The following TSC1 variants were observed in gnomAD, a reference collection of about 807,000 sequenced individuals.
TSC1 encodes the protein TSC complex subunit 1, also known as hamartin.
In TSC1, 20 loss-of-function variants were observed where a neutral mutation model predicts 124.3. The observed-to-expected ratio is 0.16, with a 90% CI of 0.11 to 0.23. The LOEUF (loss-of-function observed/expected upper bound fraction) is 0.23. Ranked by LOEUF, TSC1 falls within the 10% of genes least tolerant of loss-of-function variation. The pLI is 1.00. For missense variants in TSC1, 1,124 were observed against 1,448.5 expected, an observed-to-expected ratio of 0.78 and a Z score of 3.64; for synonymous variants, 493 against 539.1, an observed-to-expected ratio of 0.91 and a Z score of 1.19.
At chr9:132,908,361 CA>C (rs1438259835) in intron 12 of TSC1, among the ~76,000 whole-genome samples, 1 of 152,184 alleles carries the variant, frequency 6.6e-6, no homozygotes, top group Non-Finnish European at 1.5e-5. Flanking sequence ...TCTACCTCTA[CA>C]TTCAGTCTGT....
chr9:132,919,723 G>A (rs994391990), intron 8 of TSC1, among the ~76,000 whole-genome samples: 22 of 152,286 alleles, frequency 1.4e-4, no homozygotes, highest in African/African-American at 5.3e-4. Context: ...GAAAGCCCCA[G>A]GAGACTAGGA....
chr9:132,897,612 T>TA lies in TSC1; in HGVS notation c.2626-3_2626-2insT, dbSNP rs760737807. ...GGCGGCTTTCATCATTTCTACTTCC[T>TA]GAAAAAAAAAAAAAAAAAAGACTGG... On this transcript the variant is annotated splice_region_variant and splice_polypyrimidine_tract_variant and intron_variant, in intron 20 of 22. Coordinates refer to ENST00000298552, the MANE Select transcript of TSC1 (RefSeq NM_000368.5). The TA allele has an allele frequency of 4.5e-4, 410 of 914,826 alleles. No homozygotes were observed. Among genetic ancestry groups the TA allele is most frequent in the South Asian group, 1.7e-3 (74 of 42,678 alleles). 56.7% of individuals were successfully genotyped at this position (914,826 alleles called of 1,614,324 possible).
chr9:132,944,540 C>A lies in TSC1; in HGVS notation c.-144+3G>T. On this transcript the variant is annotated splice_donor_region_variant and intron_variant, in intron 1 of 22. Transcript: ENST00000298552. ...AAGGAGGGGGAGACACCCCCATACT[C>A]ACCCACCGTCTCCTCCCCCTCAGCT... 1 of 398,736 alleles carries A rather than the reference C, an allele frequency of 2.5e-6. No homozygotes were observed. Among genetic ancestry groups the A allele is most frequent in the South Asian group, 1.3e-4 (1 of 7,854 alleles). The allele number at this position is 398,736 out of a possible 1,614,324, so 24.7% of individuals were successfully genotyped here.
rs147474144 is a variant in TSC1, at chr9:132,917,526, T to G, written c.737+3837A>C. 4.1e-4 allele frequency among the ~76,000 whole-genome samples: 63 copies of G among 152,268 alleles called. 1 individual carries two copies. In the Middle Eastern group the frequency reaches 0.01, roughly 25 times the overall value. On this transcript the variant is annotated intron_variant, in intron 8 of 22. Transcript: ENST00000298552. ...TTTGCAGTTTTAGTAGAGAGGAGGT[T>G]TCACCATGTTGGCCAGGCTGGTCTC...
At chr9:132,917,628 G>A (rs537987496) in intron 8 of TSC1, among the ~76,000 whole-genome samples, 8 of 152,158 alleles carry the variant, frequency 5.3e-5, no homozygotes, top group South Asian at 4.1e-4. Context: ...CACTGCACCC[G>A]GCTCTTCTTT....
At chr9:132,920,649 A>G (rs1846500996) in intron 8 of TSC1, among the ~76,000 whole-genome samples, 1 of 152,048 alleles carries the variant, frequency 6.6e-6, no homozygotes, top group Non-Finnish European at 1.5e-5. Flanking sequence ...GGAGATCCCT[A>G]AGTGTCAGTA....
chr9:132,901,552 G>C (rs2131701144), intron 19 of TSC1, 37 bp downstream of exon 19: 1 of 1,546,394 alleles, frequency 6.5e-7, no homozygotes, highest in Middle Eastern at 1.7e-4. Flanking sequence ...AGCAAATGGT[G>C]TTTCAGCAGA....
chr9:132,923,579 A>G lies in TSC1; in HGVS notation c.364-87T>C. On this transcript the variant is annotated intron_variant, in intron 5 of 22. Coordinates refer to ENST00000298552, the MANE Select transcript of TSC1 (RefSeq NM_000368.5). The surrounding 1 kb of genome is among the most constrained non-coding windows in gnomAD (Gnocchi z 4.2). ...TACAGTACATGAAGAGGCTCTAAAC[A>G]CTGAGAGAATCACAAATCACAAGTT... 6.3e-7 allele frequency: 1 copy of G among 1,577,112 alleles called. No homozygotes were observed. Among genetic ancestry groups the G allele is most frequent in the East Asian group, 2.2e-5 (1 of 44,610 alleles).
chr9:132,894,718 C>G lies in TSC1; in HGVS notation c.*1517G>C. 4 of 181,416 alleles carry G rather than the reference C, an allele frequency of 2.2e-5. No individual in the cohort carries two copies. The highest frequency in any genetic ancestry group is 8.5e-5 in the East Asian group (1 of 11,812). The allele number at this position is 181,416 out of a possible 1,614,324, so 11.2% of individuals were successfully genotyped here. A position where few individuals can be genotyped will look rare whatever the true frequency, so the allele number is the denominator to read the frequency against. On this transcript the variant is annotated 3_prime_UTR_variant, in exon 23 of 23. Coordinates refer to ENST00000298552, the MANE Select transcript of TSC1 (RefSeq NM_000368.5). Reference sequence around the variant, plus strand: ...TAAAAAAAAAAAAAAAAAAAAAAGACTTTCATTCTCTCTGCTCGAGGCCTC... The same window carrying G: ...TAAAAAAAAAAAAAAAAAAAAAAGAGTTTCATTCTCTCTGCTCGAGGCCTC...
rs1233639992 is a variant in TSC1, at chr9:132,893,978, G to A, written c.*2257C>T. 4.3e-6 allele frequency: 1 copy of A among 233,378 alleles called. No homozygotes were observed. Among genetic ancestry groups the A allele is most frequent in the African/African-American group, 2.2e-5 (1 of 45,428 alleles). The allele number at this position is 233,378 out of a possible 1,614,324, so 14.5% of individuals were successfully genotyped here. A position where few individuals can be genotyped will look rare whatever the true frequency, so the allele number is the denominator to read the frequency against. On this transcript the variant is annotated 3_prime_UTR_variant, in exon 23 of 23. Transcript: ENST00000298552. ...ATGAAAGCCTACATTTTTAGGTTGG[G>A]CACCTTCAACATGACTCCAGGTCTC...
intron 2 of TSC1, among the ~76,000 whole-genome samples, chr9:132,929,262 T>A (rs1336481575): frequency 1.3e-5 from 2 of 152,262 alleles, no homozygotes; most frequent in East Asian, 3.8e-4. Context: ...TGATTCTACC[T>A]TGGGTTTTGG....
In TSC1 at chr9:132,921,423, T is replaced by C. The variant is rs1259094395; in HGVS notation, c.677A>G (p.His226Arg). The stretch of plus-strand genomic sequence containing the variant: ...CACTAATTCCGGATGAATTCGCACA[T>C]GCTCCATCATTGGCTAGAAGAGTTG... ...FEEVVKPMME[H>R]VRIHPELVTG... The change falls in exon 8 of 23, where the codon CAT (histidine) becomes CGT (arginine). Residue 226 changes from histidine (H) to arginine (R), a missense_variant. Physicochemically the swap from His to Arg is conservative, Grantham distance 29. Transcript: ENST00000298552. This position sits in a 1 kb window ranked among gnomAD's most constrained non-coding sequence, Gnocchi z 4.3. 6.2e-7 allele frequency: 1 copy of C among 1,614,190 alleles called. No homozygotes were observed. Among genetic ancestry groups the C allele is most frequent in the Non-Finnish European group, 8.5e-7 (1 of 1,180,000 alleles).
At chr9:132,928,555 C>A (rs939643872) in intron 3 of TSC1, among the ~76,000 whole-genome samples, 46 of 152,250 alleles carry the variant, frequency 3.0e-4, no homozygotes, top group Non-Finnish European at 1.9e-4. Context: ...AAACTGGATT[C>A]ATGGGGTTCA....
In TSC1 at chr9:132,896,827, C is replaced by A; in HGVS notation, c.2976-73G>T. The A allele has an allele frequency of 6.2e-7, 1 of 1,607,170 alleles. No individual in the cohort carries two copies. On this transcript the variant is annotated intron_variant, in intron 22 of 22. Coordinates refer to ENST00000298552, the MANE Select transcript of TSC1 (RefSeq NM_000368.5). This position sits in a 1 kb window ranked among gnomAD's most constrained non-coding sequence, Gnocchi z 4.5. ...CACATTCGGAGGATGTGGAATTACACTGACACTCACTCACACTGACACTGA... is the reference window on the plus strand; with the variant it reads ...CACATTCGGAGGATGTGGAATTACAATGACACTCACTCACACTGACACTGA...
At chr9:132,943,697 T>C (rs1055345696) in intron 1 of TSC1, 2 of 152,148 alleles carry the variant, frequency 1.3e-5, no homozygotes, top group Admixed American at 1.3e-4. Context: ...GCCAAGCACT[T>C]TCACAGTGCC....
At chr9:132,910,088 C>T (rs923219533) in intron 12 of TSC1, 2 of 181,648 alleles carry the variant, frequency 1.1e-5, no homozygotes, top group Non-Finnish European at 2.3e-5. Context: ...CGTTTGAGTC[C>T]AGGAGTTTAA....
At position 132,921,195 on chromosome 9, in the gene TSC1, GTA is replaced by G. The variant is rs988303479; in HGVS notation, c.737+166_737+167del. ...GTTATTAGTCCTCCGCCTGTGAAGA[GTA>G]TGTTTTAAACTCACACAAATTTTAG... On this transcript the variant is annotated intron_variant, in intron 8 of 22. Transcript: ENST00000298552. The surrounding 1 kb of genome is among the most constrained non-coding windows in gnomAD (Gnocchi z 4.3). Among the ~76,000 whole-genome samples the G allele has an allele frequency of 6.6e-6, 1 of 152,066 alleles. No individual in the cohort carries two copies. The highest frequency in any genetic ancestry group is 1.5e-5 in the Non-Finnish European group (1 of 68,030).
chr9:132,921,951 G>A lies in TSC1; in HGVS notation c.531C>T (p.Leu177=), dbSNP rs752615412. 4.2e-5 allele frequency: 67 copies of A among 1,614,024 alleles called. No homozygotes were observed. Among genetic ancestry groups the A allele is most frequent in the South Asian group, 6.6e-5 (6 of 91,088 alleles). Reference sequence around the variant, plus strand: ...CGTACACACTGGCATGGAGATGGACGAGATAGACTTCCGCCACGTGGCCTA... The same window carrying A: ...CGTACACACTGGCATGGAGATGGACAAGATAGACTTCCGCCACGTGGCCTA... ...KKPGHVAEVY[L]VHLHASVYAL... Residue 177 remains leucine, a synonymous_variant, in exon 7 of 23, where the codon CTC becomes CTT. Transcript: ENST00000298552. This position sits in a 1 kb window ranked among gnomAD's most constrained non-coding sequence, Gnocchi z 4.3.
intron 20 of TSC1, among the ~76,000 whole-genome samples, chr9:132,898,107 G>A (rs893244214): frequency 1.3e-5 from 2 of 152,174 alleles, no homozygotes; most frequent in South Asian, 2.1e-4. Flanking sequence ...CAGTGGTACC[G>A]CAGGTCACTT....
Sources: allele counts gnomAD v4.1 joint callset (sites outside exome capture counted in the v4.1 genomes callset), GRCh38; gene constraint gnomAD v4.1.1; non-coding constraint Gnocchi (gnomAD v3.1); transcripts MANE v1.5; gene names NCBI Gene and HGNC (gene_info 2026-07-23, HGNC 2026-07-21).